Variants in TKFC observed in about 807,000 individuals in gnomAD.
TKFC encodes triokinase and FMN cyclase.
Under a neutral mutation model 61.0 loss-of-function variants are expected in TKFC, and 46 were observed. That is an observed-to-expected ratio of 0.75 (90% CI 0.60 to 0.96). TKFC has a LOEUF of 0.96. Ranked by LOEUF, TKFC falls within the 50% of genes least tolerant of loss-of-function variation. The probability of loss-of-function intolerance (pLI) is 0.00; values close to 1 mark genes in which losing one functional copy is unlikely to be tolerated. For missense variants in TKFC, 715 were observed against 777.5 expected (o/e 0.92, Z 0.96); for synonymous variants, 314 against 330.1 (o/e 0.95, Z 0.53).
chr11:61,336,894 A>C, intron 2 of TKFC, among the ~76,000 whole-genome samples: 1 of 150,076 alleles, frequency 6.7e-6, no homozygotes, highest in South Asian at 2.1e-4. Flanking sequence ...CACACTATTC[A>C]CTCATCCAGG....
At chr11:61,353,088 G>A (rs199743214), downstream of TKFC, 163 of 1,613,282 alleles carry the variant, frequency 1.0e-4, no homozygotes, top group Non-Finnish European at 1.3e-4. Flanking sequence ...AGGAGGCTGC[G>A]CAGCCACATG....
intron 6 of TKFC, 147 bp downstream of exon 6, chr11:61,341,661 G>T: frequency 8.1e-7 from 1 of 1,232,216 alleles, no homozygotes; most frequent in East Asian, 2.4e-5. Context: ...GAGCTCCTGG[G>T]GACTGGTGGC....
chr11:61,346,364 C>T lies in TKFC; in HGVS notation c.1589C>T (p.Ala530Val). 6 of 1,612,592 alleles carry T rather than the reference C, an allele frequency of 3.7e-6. No homozygotes were observed. The highest frequency in any genetic ancestry group is 5.1e-6 in the Non-Finnish European group (6 of 1,179,948). ...CCCATCCCCCAGAGTGCCGAAGCTG[C>T]AGCCGAGGCCACCAAGAATATGGAA... ...LTKAVKSAEA[A>V]AEATKNMEAG... The change falls in exon 18 of 18, where the codon GCA becomes GTA. Residue 530 changes from alanine (A) to valine (V), a missense_variant. Physicochemically the swap from Ala to Val is moderately conservative, Grantham distance 64. Coordinates refer to ENST00000394900, the MANE Select transcript of TKFC (RefSeq NM_015533.4). This position sits in a 1 kb window ranked among gnomAD's most constrained non-coding sequence, Gnocchi z 4.1.
downstream of TKFC, chr11:61,352,717 G>A (rs1857472118): frequency 1.0e-6 from 1 of 994,532 alleles, no homozygotes; most frequent in African/African-American, 1.7e-5. Context: ...TACCAATGAT[G>A]TAGGGTGGTT....
chr11:61,347,785 T>A lies in TKFC; in HGVS notation c.*1282T>A. The A allele has an allele frequency of 1.0e-6, 1 of 978,448 alleles. No homozygotes were observed. The highest frequency in any genetic ancestry group is 1.2e-6 in the Non-Finnish European group (1 of 823,636). The allele number at this position is 978,448 out of a possible 1,614,324, so 60.6% of individuals were successfully genotyped here. A position where few individuals can be genotyped will look rare whatever the true frequency, so the allele number is the denominator to read the frequency against. On this transcript the variant is annotated 3_prime_UTR_variant, in exon 18 of 18. Coordinates refer to ENST00000394900, the MANE Select transcript of TKFC (RefSeq NM_015533.4). ...AGCTAAGGCCTATTTTTTAGCCCTTTGGGATCTGTAAAATCAGAATGGTAC... is the reference window on the plus strand; with the variant it reads ...AGCTAAGGCCTATTTTTTAGCCCTTAGGGATCTGTAAAATCAGAATGGTAC...
At chr11:61,337,685 G>A (rs1327035808) in intron 2 of TKFC, among the ~76,000 whole-genome samples, 3 of 152,148 alleles carry the variant, frequency 2.0e-5, no homozygotes, top group Non-Finnish European at 4.4e-5. Context: ...TCTTTGTATT[G>A]CAGCCATTTT....
At chr11:61,351,803 A>G (rs1170322254), downstream of TKFC, 1 of 152,208 alleles carries the variant, frequency 6.6e-6, no homozygotes, top group Non-Finnish European at 1.5e-5. Flanking sequence ...GTCCTAGCTT[A>G]CTTAGGAGGC....
intron 11 of TKFC, 23 bp from the exon 12 acceptor site, chr11:61,343,833 G>A (rs1289513347): frequency 1.9e-6 from 3 of 1,602,582 alleles, no homozygotes; most frequent in Non-Finnish European, 2.5e-6. Context: ...CCGTGTCTAA[G>A]AGAGTTATCT....
In TKFC at chr11:61,334,671, A is replaced by G. The variant is rs1008451562; in HGVS notation, c.-58A>G. Reference sequence around the variant, plus strand: ...AGACCCAGGTAGCACAGGATTGTCCATCCTCCAGCAGCTCAGTGCAACGGT... The same window carrying G: ...AGACCCAGGTAGCACAGGATTGTCCGTCCTCCAGCAGCTCAGTGCAACGGT... On this transcript the variant is annotated 5_prime_UTR_variant, in exon 2 of 18. Coordinates refer to ENST00000394900, the MANE Select transcript of TKFC (RefSeq NM_015533.4). 3.7e-6 allele frequency: 6 copies of G among 1,613,252 alleles called. No individual in the cohort carries two copies. In the African/African-American group the frequency reaches 4.0e-5, roughly 11 times the overall value.
chr11:61,347,756 C>T lies in TKFC; in HGVS notation c.*1253C>T, dbSNP rs1857210596. 5 of 983,408 alleles carry T rather than the reference C, an allele frequency of 5.1e-6. No homozygotes were observed. The highest frequency in any genetic ancestry group is 6.0e-6 in the Non-Finnish European group (5 of 828,138). 60.9% of individuals were successfully genotyped at this position (983,408 alleles called of 1,614,324 possible). A position where few individuals can be genotyped will look rare whatever the true frequency, so the allele number is the denominator to read the frequency against. ...ATCTGATTCTGCTTTAACCCGGCTA[C>T]AGGAGCTAAGGCCTATTTTTTAGCC... On this transcript the variant is annotated 3_prime_UTR_variant, in exon 18 of 18. Transcript: ENST00000394900.
Position 61,348,508 on chromosome 11 carries a change from C to T in TKFC, c.*2005C>T, listed in dbSNP as rs2135084343. The T allele has an allele frequency of 1.0e-6, 1 of 984,970 alleles. No individual in the cohort carries two copies. The highest frequency in any genetic ancestry group is 1.1e-4 in the East Asian group (1 of 8,808). 61.0% of individuals were successfully genotyped at this position (984,970 alleles called of 1,614,324 possible). A position where few individuals can be genotyped will look rare whatever the true frequency, so the allele number is the denominator to read the frequency against. On this transcript the variant is annotated 3_prime_UTR_variant, in exon 18 of 18. Transcript: ENST00000394900. Reference sequence around the variant, plus strand: ...TATTAGAGACTGAATGTTTGTGTCCCCCCCAAATTCCTGTGTTGAAAGGCT... The same window carrying T: ...TATTAGAGACTGAATGTTTGTGTCCTCCCCAAATTCCTGTGTTGAAAGGCT...
chr11:61,353,279 C>G (rs910892026), downstream of TKFC: 32 of 1,099,300 alleles, frequency 2.9e-5, no homozygotes, highest in Non-Finnish European at 3.3e-5. Context: ...TTGCCCACTA[C>G]CGTGCTAGCT....
rs1857143074 is a variant in TKFC at position 61,346,656 on chromosome 11, C to T, written c.*153C>T. The T allele has an allele frequency of 1.4e-6, 2 of 1,454,892 alleles. No homozygotes were observed. Among genetic ancestry groups the T allele is most frequent in the Admixed American group, 5.3e-5 (2 of 37,710 alleles). The allele number at this position is 1,454,892 out of a possible 1,614,324, so 90.1% of individuals were successfully genotyped here. On this transcript the variant is annotated 3_prime_UTR_variant, in exon 18 of 18. Coordinates refer to ENST00000394900, the MANE Select transcript of TKFC (RefSeq NM_015533.4). This position sits in a 1 kb window ranked among gnomAD's most constrained non-coding sequence, Gnocchi z 4.1. ...GAGCAGGAAATCCTCCACCAAGCTT[C>T]CAGAACTACAGACAGCACCCAGAGT...
chr11:61,351,845 T>C (rs1645549882), downstream of TKFC: 1 of 152,122 alleles, frequency 6.6e-6, no homozygotes, highest in Non-Finnish European at 1.5e-5. Flanking sequence ...GTGCAGGAGT[T>C]TGATGCTGCA....
chr11:61,339,189 TGCAGGAGGGGCTGCG>T lies in TKFC; in HGVS notation c.304+19_304+33del. 6.2e-7 allele frequency: 1 copy of T among 1,613,150 alleles called. No individual in the cohort carries two copies. The highest frequency in any genetic ancestry group is 8.5e-7 in the Non-Finnish European group (1 of 1,179,576). On this transcript the variant is annotated intron_variant, in intron 4 of 17. Coordinates refer to ENST00000394900, the MANE Select transcript of TKFC (RefSeq NM_015533.4). ...CAGGCCGGCACAGGTAAGCCTGGCA[TGCAGGAGGGGCTGCG>T]GCAGGGAGGGCACAGTAAGCACACT...
At chr11:61,350,650 C>A, downstream of TKFC, 5 of 614,236 alleles carry the variant, frequency 8.1e-6, no homozygotes, top group Non-Finnish European at 1.4e-5. Flanking sequence ...TCCCACTAGA[C>A]TAGCCCCCAG....
At chr11:61,334,523 C>G (rs1364572902) in intron 1 of TKFC, 97 bp from the exon 2 acceptor site, 15 of 604,386 alleles carry the variant, frequency 2.5e-5, no homozygotes, top group Admixed American at 1.3e-4. Flanking sequence ...GGACCGAAGT[C>G]TGGGGCAGCT....
chr11:61,337,927 C>G lies in TKFC; in HGVS notation c.4-14C>G, dbSNP rs374861388. On this transcript the variant is annotated splice_polypyrimidine_tract_variant and intron_variant, in intron 2 of 17. Transcript: ENST00000394900. Reference sequence around the variant, plus strand: ...TGACCACATTCTGACCTCCTTCTCACTCCTCCCTTGCAGACCTCCAAGAAG... The same window carrying G: ...TGACCACATTCTGACCTCCTTCTCAGTCCTCCCTTGCAGACCTCCAAGAAG... The G allele has an allele frequency of 6.3e-7, 1 of 1,593,192 alleles. No individual in the cohort carries two copies. The highest frequency in any genetic ancestry group is 1.1e-5 in the South Asian group (1 of 88,366).
At position 61,342,825 on chromosome 11, in the gene TKFC, C is replaced by T. The variant is rs1365049470; in HGVS notation, c.846C>T (p.Asp282=). The change falls in exon 10 of 18, where the codon GAC becomes GAT. Residue 282 remains aspartate (D), a synonymous_variant. Coordinates refer to ENST00000394900, the MANE Select transcript of TKFC (RefSeq NM_015533.4). ...TCCTGGAACTGGGCATCATAGCCGA[C>T]GCTACCGTCCGCTCCCTGGGTGAGC... ...LSFLELGIIA[D]ATVRSLEGRG... The T allele has an allele frequency of 1.9e-6, 3 of 1,613,896 alleles. No individual in the cohort carries two copies. The highest frequency in any genetic ancestry group is 1.3e-5 in the African/African-American group (1 of 74,916).
Sources: gnomAD v4.1 joint callset for allele counts (sites outside exome capture counted in the v4.1 genomes callset) on GRCh38, gnomAD v4.1.1 for gene constraint, Gnocchi (gnomAD v3.1) non-coding constraint, MANE v1.5 for transcripts, NCBI Gene and HGNC (gene_info 2026-07-23, HGNC 2026-07-21) for gene names.